CDYL: variants seen among roughly 807,000 people sequenced by gnomAD.
The protein encoded by CDYL is chromodomain Y-like protein.
CDYL carries 8 observed loss-of-function variants against 47.3 expected under a neutral mutation model. The observed-to-expected ratio is 0.17, with a 90% confidence interval of 0.10 to 0.31. The LOEUF (loss-of-function observed/expected upper bound fraction) is 0.31, where lower values mean the gene tolerates loss of function less well. Ranked by LOEUF, CDYL falls within the 10% of genes least tolerant of loss-of-function variation. CDYL has a pLI of 1.00. For synonymous variants in CDYL, 266 were observed against 265.0 expected (o/e 1.00, Z -0.04); for missense variants, 471 against 701.4 (o/e 0.67, Z 3.71).
At chr6:4,757,629 A>G (rs1758094707) in intron 3 of CDYL, among the ~76,000 whole-genome samples, 1 of 152,278 alleles carries the variant, frequency 6.6e-6, no homozygotes, top group Admixed American at 6.5e-5. Context: ...CTCTCAATGC[A>G]GAATATGCCT....
chr6:4,802,646 G>A (rs1210382897), intron 1 of CDYL, among the ~76,000 whole-genome samples: 3 of 152,174 alleles, frequency 2.0e-5, no homozygotes, highest in Admixed American at 6.5e-5. Context: ...TGAAATACTA[G>A]GGTGAGTATA....
chr6:4,894,904 T>A (rs542569916), intron 2 of CDYL, among the ~76,000 whole-genome samples: 7 of 145,062 alleles, frequency 4.8e-5, no homozygotes, highest in African/African-American at 1.9e-4. Flanking sequence ...TATACACACG[T>A]ACGTGTGTAT....
rs190578216 is a variant in CDYL, at chr6:4,740,889, C to T, written c.186+6045C>T. Among the ~76,000 whole-genome samples the T allele has an allele frequency of 7.4e-4, 112 of 151,490 alleles. 1 individual carries two copies. The South Asian group carries it at 0.016, about 21-fold the overall frequency. On this transcript the variant is annotated intron_variant, in intron 3 of 8. Coordinates refer to the CDYL transcript ENST00000328908. The stretch of plus-strand genomic sequence containing the variant: ...GCAACCTCCGCCTCCTGGGTTTAAA[C>T]GATTCTCCTGCCTCAGCCTCTGGAG...
chr6:4,904,123 A>C (rs940321125), intron 2 of CDYL, among the ~76,000 whole-genome samples: 1 of 152,240 alleles, frequency 6.6e-6, no homozygotes, highest in Non-Finnish European at 1.5e-5. Context: ...GGCCCCTCGC[A>C]GTGTTGAAAG....
chr6:4,821,347 G>A (rs1420683453), intron 1 of CDYL, among the ~76,000 whole-genome samples: 2 of 136,748 alleles, frequency 1.5e-5, no homozygotes, highest in African/African-American at 2.8e-5. Context: ...GTGTGATCTC[G>A]GCTTACTGCA....
chr6:4,865,277 C>T lies in CDYL; in HGVS notation c.25-26436C>T, dbSNP rs534167416. 9.8e-5 allele frequency among the ~76,000 whole-genome samples: 15 copies of T among 152,306 alleles called. 1 individual carries two copies. The highest frequency in any genetic ancestry group is 3.4e-3 in the Middle Eastern group (1 of 294). The stretch of plus-strand genomic sequence containing the variant: ...TAACCTCCCTTCCCGCCAAACTACT[C>T]ATCCCGCCACTCGGGCTCATACCCC... On this transcript the variant is annotated intron_variant, in intron 1 of 6. Transcript: ENST00000397588.
intron 1 of CDYL, chr6:4,836,053 T>C (rs1760294662): frequency 6.5e-6 from 1 of 153,916 alleles, no homozygotes; most frequent in African/African-American, 2.4e-5. Context: ...TGCCTCGCCC[T>C]GCTTCGGCTT....
chr6:4,732,888 A>G (rs986911412), intron 2 of CDYL, among the ~76,000 whole-genome samples: 6 of 152,160 alleles, frequency 3.9e-5, no homozygotes, highest in Non-Finnish European at 8.8e-5. Flanking sequence ...GGGACAACAG[A>G]GGTGGTGAGG....
chr6:4,710,807 T>A (rs998720903), intron 1 of CDYL, among the ~76,000 whole-genome samples: 1 of 152,148 alleles, frequency 6.6e-6, no homozygotes, highest in African/African-American at 2.4e-5. Flanking sequence ...AGACCACTAC[T>A]ATCATCCCTT....
chr6:4,828,252 C>CTT lies in CDYL; in HGVS notation c.24+51465_24+51466dup, dbSNP rs11324291. ...AACAGGTTTTTTTTTTAACTTTCAG[C>CTT]TTTTTTTTTTTTTTTTTTTTTAAGA... On this transcript the variant is annotated intron_variant, in intron 1 of 6. Transcript: ENST00000397588. Among the ~76,000 whole-genome samples the CTT allele has an allele frequency of 1.1e-4, 9 of 79,124 alleles. 1 individual carries two copies. Among genetic ancestry groups the CTT allele is most frequent in the African/African-American group, 8.8e-5 (2 of 22,780 alleles). 51.9% of individuals were successfully genotyped at this position (79,124 alleles called of 152,430 possible). A position where few individuals can be genotyped will look rare whatever the true frequency, so the allele number is the denominator to read the frequency against.
At chr6:4,741,610 T>C (rs192374769) in intron 3 of CDYL, among the ~76,000 whole-genome samples, 3 of 152,266 alleles carry the variant, frequency 2.0e-5, no homozygotes, top group Non-Finnish European at 2.9e-5. Flanking sequence ...TTCTACTCTT[T>C]TAAGAACACT....
In CDYL at chr6:4,803,149, A is replaced by G. The variant is rs6908287; in HGVS notation, c.24+26342A>G. ...TGGCTGTGATCACTTGCATCCACCTATAGATGGAAGTGTGCAAAGACCCTT... is the reference window on the plus strand; with the variant it reads ...TGGCTGTGATCACTTGCATCCACCTGTAGATGGAAGTGTGCAAAGACCCTT... On this transcript the variant is annotated intron_variant, in intron 1 of 6. Coordinates refer to ENST00000397588, the MANE Select transcript of CDYL (RefSeq NM_004824.4). Among the ~76,000 whole-genome samples, 191 of 152,244 alleles carry G rather than the reference A, an allele frequency of 1.3e-3. 1 individual carries two copies. Among genetic ancestry groups the G allele is most frequent in the African/African-American group, 4.4e-3 (184 of 41,544 alleles).
chr6:4,922,304 A>G (rs933276765), intron 2 of CDYL, among the ~76,000 whole-genome samples: 2 of 152,206 alleles, frequency 1.3e-5, no homozygotes, highest in South Asian at 4.1e-4. Context: ...AAAAGCCAGT[A>G]TGATCGTTCA....
intron 2 of CDYL, among the ~76,000 whole-genome samples, chr6:4,924,937 A>G (rs1757822948): frequency 6.6e-6 from 1 of 152,244 alleles, no homozygotes; most frequent in Admixed American, 6.5e-5. Context: ...AAAAGCAAGT[A>G]CTACAATAAA....
chr6:4,793,078 G>A (rs759555555), intron 1 of CDYL, among the ~76,000 whole-genome samples: 4 of 152,194 alleles, frequency 2.6e-5, no homozygotes, highest in South Asian at 2.1e-4. Context: ...TTGGAAACTC[G>A]TCCTTCCAGG....
chr6:4,876,357 G>A (rs1038127172), intron 1 of CDYL, among the ~76,000 whole-genome samples: 7 of 152,140 alleles, frequency 4.6e-5, no homozygotes, highest in African/African-American at 1.7e-4. Flanking sequence ...GGGTAATTAG[G>A]TTGGGGATTG....
At chr6:4,905,990 C>T (rs1441756102) in intron 2 of CDYL, among the ~76,000 whole-genome samples, 2 of 152,100 alleles carry the variant, frequency 1.3e-5, no homozygotes, top group Non-Finnish European at 2.9e-5. Context: ...GTGATTTAAG[C>T]CTTGAAAGAA....
intron 3 of CDYL, among the ~76,000 whole-genome samples, chr6:4,745,056 C>G (rs902685397): frequency 6.6e-6 from 1 of 152,162 alleles, no homozygotes; most frequent in Non-Finnish European, 1.5e-5. Context: ...TCTCAAACTC[C>G]TAGGCTCAAG....
chr6:4,730,009 A>G (rs1026135367), intron 2 of CDYL, among the ~76,000 whole-genome samples: 2 of 152,208 alleles, frequency 1.3e-5, no homozygotes, highest in African/African-American at 4.8e-5. Flanking sequence ...CAATTTTCTT[A>G]TAAGAAATAT....
Sources: allele counts gnomAD v4.1 joint callset (sites outside exome capture counted in the v4.1 genomes callset), GRCh38; gene constraint gnomAD v4.1.1; transcripts MANE v1.5; gene names NCBI Gene and HGNC (gene_info 2026-07-23, HGNC 2026-07-21).